PYGO1: variants seen among roughly 807,000 people sequenced by gnomAD.
PYGO1 encodes the protein pygopus family PHD finger 1.
In PYGO1, 6 loss-of-function variants were observed where a neutral mutation model predicts 29.5. That is an observed-to-expected ratio of 0.20 (90% CI 0.11 to 0.40). PYGO1 has a LOEUF of 0.40. PYGO1 is among the 10% of genes least tolerant of loss of function. The probability of loss-of-function intolerance (pLI) is 1.00; values close to 1 mark genes in which losing one functional copy is unlikely to be tolerated. For synonymous variants in PYGO1, 186 were observed against 180.5 expected, an observed-to-expected ratio of 1.03 and a Z score of -0.24; for missense variants, 515 against 514.9, an observed-to-expected ratio of 1.00 and a Z score of 0.00.
At chr15:55,584,426 A>C (rs747060332) in intron 1 of PYGO1, among the ~76,000 whole-genome samples, 25 of 152,198 alleles carry the variant, frequency 1.6e-4, no homozygotes, top group Non-Finnish European at 2.8e-4. Context: ...TCATATCTTA[A>C]TTAGTGCATT....
Position 55,587,997 on chromosome 15 carries a change from A to G in PYGO1, c.-114T>C. The G allele has an allele frequency of 7.2e-7, 1 of 1,381,040 alleles. No homozygotes were observed. The highest frequency in any genetic ancestry group is 9.4e-7 in the Non-Finnish European group (1 of 1,060,232). The allele number at this position is 1,381,040 out of a possible 1,614,324, so 85.5% of individuals were successfully genotyped here. A position where few individuals can be genotyped will look rare whatever the true frequency, so the allele number is the denominator to read the frequency against. ...GCTGCGGCTGCGAGGCAAGCCTCGG[A>G]GCCGAGGCACGGCCGAGGGCGGTGG... is the stretch of plus-strand genomic sequence containing the variant. On this transcript the variant is annotated 5_prime_UTR_variant, in exon 1 of 3. Transcript: ENST00000563719.
intron 1 of PYGO1, among the ~76,000 whole-genome samples, chr15:55,566,475 C>A (rs1185509025): frequency 1.3e-5 from 2 of 152,002 alleles, no homozygotes; most frequent in East Asian, 3.9e-4. Flanking sequence ...ATCCAATCCA[C>A]CACTGATGGG....
chr15:55,578,393 G>A (rs1241396655), intron 1 of PYGO1, among the ~76,000 whole-genome samples: 1 of 151,862 alleles, frequency 6.6e-6, no homozygotes, highest in African/African-American at 2.4e-5. Context: ...GGAATCACTG[G>A]GTCACATAGC....
intron 1 of PYGO1, among the ~76,000 whole-genome samples, chr15:55,575,007 A>G (rs1181141516): frequency 6.6e-6 from 1 of 152,218 alleles, no homozygotes; most frequent in African/African-American, 2.4e-5. Context: ...TAAGCACTTT[A>G]TATACATTAT....
rs2058833118 is a variant in PYGO1, at chr15:55,542,747, A to G, written c.*3276T>C. ...GGAGTTTGACACCAGCCTGGCCAAC[A>G]TGGTGAACCCGTCTCTACTAAAAAT... On this transcript the variant is annotated 3_prime_UTR_variant, in exon 3 of 3. Coordinates refer to ENST00000563719, the MANE Select transcript of PYGO1 (RefSeq NM_001367806.1). 1 of 152,148 alleles carries G rather than the reference A, an allele frequency of 6.6e-6. No individual in the cohort carries two copies. The highest frequency in any genetic ancestry group is 2.4e-5 in the African/African-American group (1 of 41,406). 9.4% of individuals were successfully genotyped at this position (152,148 alleles called of 1,614,324 possible). A position where few individuals can be genotyped will look rare whatever the true frequency, so the allele number is the denominator to read the frequency against.
At chr15:55,566,559 T>C (rs766115347) in intron 1 of PYGO1, among the ~76,000 whole-genome samples, 3 of 152,172 alleles carry the variant, frequency 2.0e-5, no homozygotes, top group Non-Finnish European at 4.4e-5. Flanking sequence ...GTCTTTTTAG[T>C]AGAACAATTT....
Position 55,546,819 on chromosome 15 carries a change from C to T in PYGO1, c.464G>A (p.Ser155Asn). The T allele has an allele frequency of 6.2e-7, 1 of 1,613,986 alleles. No homozygotes were observed. Among genetic ancestry groups the T allele is most frequent in the Non-Finnish European group, 8.5e-7 (1 of 1,179,962 alleles). ...AFNFGPHDNS[S>N]FGNPSYNNAL... ...ATTATTATAAGATGGATTACCGAAA[C>T]TTGAATTATCATGTGGCCCAAAGTT... Residue 155 changes from serine to asparagine, a missense_variant, in exon 3 of 3, where the codon AGT becomes AAT. Coordinates refer to ENST00000563719, the MANE Select transcript of PYGO1 (RefSeq NM_001367806.1).
intron 1 of PYGO1, among the ~76,000 whole-genome samples, chr15:55,554,889 G>C (rs1225949697): frequency 6.6e-6 from 1 of 152,102 alleles, no homozygotes; most frequent in East Asian, 1.9e-4. Context: ...CAACTCATTG[G>C]TTTCCCTGAA....
chr15:55,563,366 CTT>C (rs746208614), intron 1 of PYGO1, among the ~76,000 whole-genome samples: 23 of 128,752 alleles, frequency 1.8e-4, no homozygotes, highest in Admixed American at 6.4e-4. Context: ...TGAATAAATT[CTT>C]TTTTTTTTTT....
chr15:55,573,480 A>G (rs997274369), intron 1 of PYGO1, among the ~76,000 whole-genome samples: 1 of 152,176 alleles, frequency 6.6e-6, no homozygotes, highest in Admixed American at 6.5e-5. Context: ...CAGTAATCCA[A>G]CTTCTGGATA....
chr15:55,572,644 A>AT (rs1441627943), intron 1 of PYGO1, among the ~76,000 whole-genome samples: 3 of 152,162 alleles, frequency 2.0e-5, no homozygotes, highest in Non-Finnish European at 2.9e-5. Flanking sequence ...TGCAAATCAT[A>AT]TATCTCTTAA....
upstream of PYGO1, among the ~76,000 whole-genome samples, chr15:55,588,545 G>A (rs1005483836): frequency 1.4e-4 from 21 of 147,018 alleles, no homozygotes; most frequent in African/African-American, 4.4e-4. Flanking sequence ...AGCCCCCACG[G>A]CCCGCGCGCG....
rs2058821063 is a variant in PYGO1 at position 55,539,703 on chromosome 15, C to T, written c.*6320G>A. On this transcript the variant is annotated 3_prime_UTR_variant, in exon 3 of 3. Coordinates refer to ENST00000563719, the MANE Select transcript of PYGO1 (RefSeq NM_001367806.1). Reference sequence around the variant, plus strand: ...ATAGGATTATGATACAGTATGGTATCTAGCGTTTTAAAAAATATTAAGTCT... The same window carrying T: ...ATAGGATTATGATACAGTATGGTATTTAGCGTTTTAAAAAATATTAAGTCT... 6.6e-6 allele frequency: 1 copy of T among 151,926 alleles called. No homozygotes were observed. The highest frequency in any genetic ancestry group is 1.5e-5 in the Non-Finnish European group (1 of 67,888). 9.4% of individuals were successfully genotyped at this position (151,926 alleles called of 1,614,324 possible).
At chr15:55,572,744 A>G (rs1470641820) in intron 1 of PYGO1, among the ~76,000 whole-genome samples, 2 of 152,160 alleles carry the variant, frequency 1.3e-5, no homozygotes, top group Admixed American at 1.3e-4. Flanking sequence ...ACATTTTTCC[A>G]AAGAATACAT....
At position 55,544,510 on chromosome 15, in the gene PYGO1, T is replaced by C; in HGVS notation, c.*1513A>G. ...GTAGCTTGTGACATGTGAGGTCGAG[T>C]CCTTGTCTGTGAAAGTGTAGGTTCT... On this transcript the variant is annotated 3_prime_UTR_variant, in exon 3 of 3. Transcript: ENST00000563719. The C allele has an allele frequency of 6.6e-6, 1 of 152,224 alleles. No homozygotes were observed. The highest frequency in any genetic ancestry group is 2.1e-4 in the South Asian group (1 of 4,834). The allele number at this position is 152,224 out of a possible 1,614,324, so 9.4% of individuals were successfully genotyped here.
intron 1 of PYGO1, among the ~76,000 whole-genome samples, chr15:55,577,765 C>CTTTTT (rs71105898): frequency 8.3e-6 from 1 of 120,756 alleles, no homozygotes; most frequent in Admixed American, 9.3e-5. Context: ...TACTAATCTA[C>CTTTTT]TTTTTTTTTT....
chr15:55,572,997 G>C (rs9806640), intron 1 of PYGO1, among the ~76,000 whole-genome samples: 56,686 of 143,978 alleles, frequency 0.39, 13,816 homozygotes, highest in Non-Finnish European at 0.56. Context: ...AACACAGTGA[G>C]ACTCTGTCTT....
At chr15:55,580,745 A>G (rs1350749166) in intron 1 of PYGO1, among the ~76,000 whole-genome samples, 1 of 152,210 alleles carries the variant, frequency 6.6e-6, no homozygotes, top group African/African-American at 2.4e-5. Flanking sequence ...GATTAGGGAT[A>G]AAAAAGCAGA....
intron 1 of PYGO1, among the ~76,000 whole-genome samples, chr15:55,572,935 G>A (rs924994655): frequency 7.9e-5 from 12 of 151,756 alleles, no homozygotes; most frequent in Non-Finnish European, 1.8e-4. Context: ...CACATTGGGA[G>A]GCCAAGGTAG....
Sources: gnomAD v4.1 joint callset for allele counts (sites outside exome capture counted in the v4.1 genomes callset) on GRCh38, gnomAD v4.1.1 for gene constraint, MANE v1.5 for transcripts, NCBI Gene and HGNC (gene_info 2026-07-23, HGNC 2026-07-21) for gene names.